ZNF469: variants seen among roughly 807,000 people sequenced by gnomAD.
ZNF469 encodes zinc finger protein 469.
A neutral mutation model predicts 1.0 loss-of-function variants in ZNF469; 1 was observed. The ratio of observed to expected loss-of-function variants is 1.00; its 90% CI spans 0.35 to 4.73. The LOEUF is 4.73. Ranked by LOEUF, ZNF469 falls within the 30% of genes most tolerant of loss-of-function variation. ZNF469 has a pLI of 0.16. For missense variants in ZNF469, 6,100 were observed against 5,356.3 expected, an observed-to-expected ratio of 1.14 and a Z score of -4.33; for synonymous variants, 2,703 against 2,363.4, an observed-to-expected ratio of 1.14 and a Z score of -4.17.
At chr16:88,134,097 C>CAATGAATG in the ZNF469 span, among the ~76,000 whole-genome samples, 4,941 of 150,730 alleles carry the variant, frequency 0.033, 210 homozygotes, top group African/African-American at 0.098. Flanking sequence ...GTCTCTGTCT[C>CAATGAATG]AATGAATGAA....
chr16:88,296,242 G>C, the ZNF469 span, among the ~76,000 whole-genome samples: 12 of 152,282 alleles, frequency 7.9e-5, no homozygotes, highest in Non-Finnish European at 1.3e-4. Context: ...CCAGCCTGGC[G>C]GGGACATCCT....
At chr16:88,325,422 C>T in the ZNF469 span, among the ~76,000 whole-genome samples, 3 of 152,256 alleles carry the variant, frequency 2.0e-5, no homozygotes, top group African/African-American at 7.2e-5. Flanking sequence ...ATCACTCTTC[C>T]CAATTCATGC....
chr16:88,229,657 C>CGT, the ZNF469 span, among the ~76,000 whole-genome samples: 1 of 141,356 alleles, frequency 7.1e-6, no homozygotes, highest in Non-Finnish European at 1.5e-5. Flanking sequence ...TGATGTCACG[C>CGT]GTGTGGATGT....
chr16:88,159,484 C>T, the ZNF469 span, among the ~76,000 whole-genome samples: 2 of 152,028 alleles, frequency 1.3e-5, no homozygotes. Flanking sequence ...TGCACGGAAG[C>T]GCTTCAGGGA....
chr16:88,317,413 C>A, the ZNF469 span, among the ~76,000 whole-genome samples: 5 of 152,188 alleles, frequency 3.3e-5, no homozygotes, highest in African/African-American at 1.2e-4. Context: ...GCACGCTGGC[C>A]AGGGGCAGGG....
the ZNF469 span, among the ~76,000 whole-genome samples, chr16:88,328,726 T>G: frequency 6.6e-6 from 1 of 151,862 alleles, no homozygotes. Flanking sequence ...CACAGCTGAG[T>G]GCAATGGGAG....
the ZNF469 span, among the ~76,000 whole-genome samples, chr16:88,169,152 C>T: frequency 2.0e-5 from 3 of 152,084 alleles, no homozygotes; most frequent in Non-Finnish European, 4.4e-5. This position sits in a 1 kb window ranked among gnomAD's most constrained non-coding sequence, Gnocchi z 6.1. Context: ...AGGACAGGGC[C>T]CAGCTCACGC....
At chr16:88,146,876 A>G in the ZNF469 span, among the ~76,000 whole-genome samples, 3 of 151,964 alleles carry the variant, frequency 2.0e-5, no homozygotes, top group Non-Finnish European at 4.4e-5. Context: ...AAGGGGCCGG[A>G]AGAGCACGCT....
the ZNF469 span, among the ~76,000 whole-genome samples, chr16:88,259,954 A>T: frequency 6.6e-6 from 1 of 152,084 alleles, no homozygotes; most frequent in African/African-American, 2.4e-5. The surrounding 1 kb of genome is among the most constrained non-coding windows in gnomAD (Gnocchi z 4.1). Flanking sequence ...GAATAAAAAG[A>T]TAAAAAGTCA....
chr16:88,110,579 C>T, the ZNF469 span, among the ~76,000 whole-genome samples: 1 of 152,256 alleles, frequency 6.6e-6, no homozygotes, highest in East Asian at 1.9e-4. Flanking sequence ...TGACTTCAGG[C>T]CCGTCTCTGC....
In ZNF469 at chr16:88,431,250, C is replaced by A; in HGVS notation, c.3780C>A (p.Pro1260=). ...GTGCGGGAGAAATGGGAGCAAGCCCCGGTCTCCTGATACCAGAGCAGCCGC... is the reference window on the plus strand; with the variant it reads ...GTGCGGGAGAAATGGGAGCAAGCCCAGGTCTCCTGATACCAGAGCAGCCGC... ...AACAGEMGAS[P]GLLIPEQPPP... The change falls in exon 3 of 3, where the codon CCC becomes CCA. Residue 1260 remains proline (P), a synonymous_variant. Transcript: ENST00000565624. 1 of 1,550,358 alleles carries A rather than the reference C, an allele frequency of 6.5e-7. No individual in the cohort carries two copies. Among genetic ancestry groups the A allele is most frequent in the African/African-American group, 1.4e-5 (1 of 73,178 alleles).
At chr16:88,362,303 C>T in the ZNF469 span, among the ~76,000 whole-genome samples, 1 of 152,206 alleles carries the variant, frequency 6.6e-6, no homozygotes, top group Non-Finnish European at 1.5e-5. Flanking sequence ...GCTTTGCTCC[C>T]ATCCTCATGC....
the ZNF469 span, among the ~76,000 whole-genome samples, chr16:88,371,109 G>T: frequency 2.6e-5 from 4 of 152,266 alleles, no homozygotes; most frequent in Admixed American, 2.6e-4. Context: ...TGAATCATGA[G>T]AAATAATCTA....
chr16:88,364,248 C>G, the ZNF469 span, among the ~76,000 whole-genome samples: 2 of 152,148 alleles, frequency 1.3e-5, no homozygotes, highest in Non-Finnish European at 2.9e-5. Context: ...TTCATTGGCA[C>G]CTTTGTCATC....
the ZNF469 span, among the ~76,000 whole-genome samples, chr16:88,216,266 C>T: frequency 3.1e-3 from 469 of 152,138 alleles, 2 homozygotes; most frequent in African/African-American, 0.011. Context: ...GAGGCCGAGG[C>T]GGGTGGATCA....
At chr16:88,275,562 C>T in the ZNF469 span, among the ~76,000 whole-genome samples, 12 of 152,328 alleles carry the variant, frequency 7.9e-5, no homozygotes, top group African/African-American at 2.9e-4. Context: ...TCACAGCATC[C>T]TTCCACCTCT....
chr16:88,409,915 G>A (rs1208004825), intron 1 of ZNF469, among the ~76,000 whole-genome samples: 2 of 151,494 alleles, frequency 1.3e-5, no homozygotes, highest in African/African-American at 2.4e-5. Context: ...TGGGTGGGGC[G>A]GGCCTGGTGC....
chr16:88,155,783 G>A, the ZNF469 span, among the ~76,000 whole-genome samples: 1 of 152,166 alleles, frequency 6.6e-6, no homozygotes, highest in Non-Finnish European at 1.5e-5. Flanking sequence ...TTCTATGTGG[G>A]CATCGGCTTT....
the ZNF469 span, among the ~76,000 whole-genome samples, chr16:88,259,192 C>A: frequency 1.3e-5 from 2 of 152,184 alleles, no homozygotes; most frequent in Admixed American, 1.3e-4. The surrounding 1 kb of genome is among the most constrained non-coding windows in gnomAD (Gnocchi z 4.1). Flanking sequence ...GGCCTCGCGG[C>A]CACCCACCGG....
Sources: gnomAD v4.1 joint callset for allele counts (sites outside exome capture counted in the v4.1 genomes callset) on GRCh38, gnomAD v4.1.1 for gene constraint, Gnocchi (gnomAD v3.1) non-coding constraint, MANE v1.5 for transcripts, NCBI Gene and HGNC (gene_info 2026-07-23, HGNC 2026-07-21) for gene names.